Variants in B3GLCT observed in about 807,000 individuals in gnomAD.
B3GLCT encodes beta 3-glucosyltransferase.
Under a neutral mutation model 63.4 loss-of-function variants are expected in B3GLCT, and 65 were observed. That is an observed-to-expected ratio of 1.03 (90% CI 0.84 to 1.26). The LOEUF (loss-of-function observed/expected upper bound fraction) is 1.26, where lower values mean the gene tolerates loss of function less well. B3GLCT is among the 50% of genes most tolerant of loss of function. The pLI, the probability that B3GLCT is intolerant of heterozygous loss-of-function variation, is 0.00. For synonymous variants in B3GLCT, 233 were observed against 219.2 expected, an observed-to-expected ratio of 1.06 and a Z score of -0.55; for missense variants, 577 against 604.8, an observed-to-expected ratio of 0.95 and a Z score of 0.48.
At position 31,294,724 on chromosome 13, in the gene B3GLCT, G is replaced by GT. The variant is rs1873847376; in HGVS notation, c.1064+7907dup. Among the ~76,000 whole-genome samples the GT allele has an allele frequency of 2.6e-5, 4 of 152,184 alleles. No homozygotes were observed. In the South Asian group the frequency reaches 8.3e-4, roughly 32 times the overall value. On this transcript the variant is annotated intron_variant, in intron 12 of 14. Coordinates refer to ENST00000343307, the MANE Select transcript of B3GLCT (RefSeq NM_194318.4). ...GCAATTCGTCTAACCTTTTTTCAAG[G>GT]TTCTTAGCTTCCTTGCATTGGATTA...
At chr13:31,238,731 T>TA (rs1156867599) in intron 4 of B3GLCT, among the ~76,000 whole-genome samples, 1 of 152,174 alleles carries the variant, frequency 6.6e-6, no homozygotes, top group African/African-American at 2.4e-5. Context: ...TGCTTGAATC[T>TA]AAGAGTTTGA....
intron 8 of B3GLCT, among the ~76,000 whole-genome samples, chr13:31,271,138 C>G (rs1872559628): frequency 6.6e-6 from 1 of 152,244 alleles, no homozygotes; most frequent in East Asian, 1.9e-4. Flanking sequence ...TGTGCAGGTT[C>G]CCATATTCGG....
intron 7 of B3GLCT, 34 bp from the exon 8 acceptor site, chr13:31,269,180 G>T (rs775034174): frequency 2.0e-6 from 3 of 1,475,616 alleles, no homozygotes; most frequent in Admixed American, 1.7e-5. Context: ...CACTTCTTTT[G>T]GTTAAAAAAA....
intron 1 of B3GLCT, among the ~76,000 whole-genome samples, chr13:31,212,516 G>T (rs145732918): frequency 6.6e-6 from 1 of 151,940 alleles, no homozygotes; most frequent in East Asian, 1.9e-4. Context: ...CTCGTGATCC[G>T]CCCACCTCGG....
chr13:31,205,319 G>T (rs961756455), intron 1 of B3GLCT, among the ~76,000 whole-genome samples: 1 of 151,754 alleles, frequency 6.6e-6, no homozygotes, highest in Non-Finnish European at 1.5e-5. Context: ...CACTTTAGGA[G>T]GCTGAGGCAG....
intron 4 of B3GLCT, among the ~76,000 whole-genome samples, chr13:31,245,040 T>C (rs1052044083): frequency 3.8e-4 from 58 of 152,192 alleles, no homozygotes; most frequent in Non-Finnish European, 7.5e-4. Flanking sequence ...ATATGAAATC[T>C]AGTATATGAT....
chr13:31,296,426 AGAGCAAGCTAG>A, intron 12 of B3GLCT, among the ~76,000 whole-genome samples: 1 of 152,288 alleles, frequency 6.6e-6, no homozygotes, highest in South Asian at 2.1e-4. Context: ...TGGTGGAAAG[AGAGCAAGCTAG>A]CTCTGTGGCC....
chr13:31,235,648 C>T (rs560736699), intron 4 of B3GLCT, among the ~76,000 whole-genome samples: 1 of 152,098 alleles, frequency 6.6e-6, no homozygotes. Flanking sequence ...CAGTGTGCTT[C>T]GTTGTTGCTG....
At chr13:31,213,619 C>CAA (rs1869396199) in intron 1 of B3GLCT, among the ~76,000 whole-genome samples, 1 of 64,566 alleles carries the variant, frequency 1.5e-5, no homozygotes, top group African/African-American at 5.4e-5. Flanking sequence ...CCCCCCCACC[C>CAA]CACCCCCCCC....
intron 6 of B3GLCT, among the ~76,000 whole-genome samples, chr13:31,254,351 G>T (rs1871608126): frequency 6.6e-6 from 1 of 152,124 alleles, no homozygotes; most frequent in African/African-American, 2.4e-5. Context: ...TTCATCCCTG[G>T]GATGCAAGGC....
At chr13:31,260,371 CTT>C (rs1871966211) in intron 6 of B3GLCT, 1 of 152,440 alleles carries the variant, frequency 6.6e-6, no homozygotes, top group Admixed American at 6.5e-5. Context: ...ATTTCCCTCT[CTT>C]TTCAGGGCAG....
rs114543272 is a variant in B3GLCT, at chr13:31,329,606, G to A, written c.1435G>A (p.Ala479Thr). The A allele has an allele frequency of 2.5e-6, 4 of 1,614,182 alleles. No individual in the cohort carries two copies. The East Asian group carries it at 6.7e-5, about 27-fold the overall frequency. Residue 479 changes from alanine to threonine, a missense_variant, in exon 15 of 15, where the codon GCA becomes ACA. Coordinates refer to ENST00000343307, the MANE Select transcript of B3GLCT (RefSeq NM_194318.4). Reference sequence around the variant, plus strand: ...AGTGAAGGTGTATTTCACATGGTTGGCACCCAGTGACGAAGACAAAGCCAG... The same window carrying A: ...AGTGAAGGTGTATTTCACATGGTTGACACCCAGTGACGAAGACAAAGCCAG... ...DPVKVYFTWL[A>T]PSDEDKARQE...
At chr13:31,208,606 T>A (rs1394411333) in intron 1 of B3GLCT, among the ~76,000 whole-genome samples, 9 of 110,484 alleles carry the variant, frequency 8.1e-5, no homozygotes. Context: ...CTGCAGCTTC[T>A]GCTTCTTTAG....
At chr13:31,211,181 G>A (rs1322886832) in intron 1 of B3GLCT, among the ~76,000 whole-genome samples, 1 of 152,184 alleles carries the variant, frequency 6.6e-6, no homozygotes, top group Non-Finnish European at 1.5e-5. Flanking sequence ...GATCACCTGA[G>A]GTCAGGAGTT....
chr13:31,215,151 A>G (rs1247643852), intron 2 of B3GLCT, 51 bp downstream of exon 2: 17 of 1,480,196 alleles, frequency 1.1e-5, no homozygotes, highest in African/African-American at 5.6e-5. Flanking sequence ...ATTCATTTGT[A>G]TTTTCTCTGA....
At chr13:31,284,287 C>G (rs1873209272) in intron 10 of B3GLCT, among the ~76,000 whole-genome samples, 1 of 152,056 alleles carries the variant, frequency 6.6e-6, no homozygotes, top group South Asian at 2.1e-4. Context: ...TTCTCATGCT[C>G]CACGGTAAGA....
chr13:31,317,229 C>G (rs545402139), intron 12 of B3GLCT, among the ~76,000 whole-genome samples: 1 of 152,284 alleles, frequency 6.6e-6, no homozygotes, highest in South Asian at 2.1e-4. Flanking sequence ...GAAATAAGAT[C>G]TAGAGCACAC....
intron 4 of B3GLCT, among the ~76,000 whole-genome samples, chr13:31,246,166 GA>G (rs1871186350): frequency 6.6e-6 from 1 of 152,078 alleles, no homozygotes; most frequent in African/African-American, 2.4e-5. Context: ...TGGTTACTAG[GA>G]ATATAGTTTT....
intron 4 of B3GLCT, among the ~76,000 whole-genome samples, chr13:31,245,543 TTAAACA>T (rs1323511735): frequency 6.6e-6 from 1 of 152,224 alleles, no homozygotes; most frequent in East Asian, 1.9e-4. Flanking sequence ...TTTTTTTCTA[TTAAACA>T]TAAAGACATT....
Sources: gnomAD v4.1 joint callset for allele counts (sites outside exome capture counted in the v4.1 genomes callset) on GRCh38, gnomAD v4.1.1 for gene constraint, MANE v1.5 for transcripts, NCBI Gene and HGNC (gene_info 2026-07-23, HGNC 2026-07-21) for gene names.